CNTNAP2: variants seen among roughly 807,000 people sequenced by gnomAD.
CNTNAP2 encodes contactin-associated protein-like 2.
In CNTNAP2, 98 loss-of-function variants were observed where a neutral mutation model predicts 155.2. The observed-to-expected ratio is 0.63, with a 90% CI of 0.54 to 0.75. CNTNAP2 has a LOEUF of 0.75. Ranked by LOEUF, CNTNAP2 falls within the 30% of genes least tolerant of loss-of-function variation. The pLI, the probability that CNTNAP2 is intolerant of heterozygous loss-of-function variation, is 0.00. For missense variants in CNTNAP2, 1,727 were observed against 1,688.1 expected, an observed-to-expected ratio of 1.02 and a Z score of -0.40; for synonymous variants, 651 against 631.2, an observed-to-expected ratio of 1.03 and a Z score of -0.47.
chr7:147,513,649 T>C (rs182237674), intron 11 of CNTNAP2, among the ~76,000 whole-genome samples: 10 of 152,330 alleles, frequency 6.6e-5, no homozygotes, highest in Admixed American at 5.9e-4. Flanking sequence ...CAAGGCCAAA[T>C]ACAAAATCAT....
intron 1 of CNTNAP2, among the ~76,000 whole-genome samples, chr7:146,713,744 A>G (rs1023897178): frequency 4.6e-5 from 7 of 152,116 alleles, no homozygotes; most frequent in Non-Finnish European, 1.0e-4. Flanking sequence ...CGTTTACTCA[A>G]GAAAGCTTGG....
intron 1 of CNTNAP2, among the ~76,000 whole-genome samples, chr7:146,341,735 C>A (rs10245727): frequency 0.12 from 18,353 of 151,882 alleles, 2,058 homozygotes; most frequent in African/African-American, 0.3. Flanking sequence ...ACAAAAAAAA[C>A]CCCTGAAAAA....
chr7:147,727,014 T>G (rs887967525), intron 13 of CNTNAP2, among the ~76,000 whole-genome samples: 9 of 121,420 alleles, frequency 7.4e-5, no homozygotes, highest in African/African-American at 1.3e-4. Flanking sequence ...TATGCGTATA[T>G]GTATATGTGT....
At chr7:147,574,964 A>G (rs1349346223) in intron 12 of CNTNAP2, among the ~76,000 whole-genome samples, 1 of 152,056 alleles carries the variant, frequency 6.6e-6, no homozygotes, top group African/African-American at 2.4e-5. Context: ...TCATGGTCGA[A>G]AGTTGGGTTG....
At chr7:147,863,034 A>C (rs897675765) in intron 13 of CNTNAP2, among the ~76,000 whole-genome samples, 4 of 151,818 alleles carry the variant, frequency 2.6e-5, no homozygotes, top group African/African-American at 9.7e-5. Flanking sequence ...CCACCCATCA[A>C]CTCGTCATTT....
intron 13 of CNTNAP2, among the ~76,000 whole-genome samples, chr7:147,653,105 AC>A (rs1166247921): frequency 1.3e-5 from 2 of 152,230 alleles, no homozygotes; most frequent in African/African-American, 4.8e-5. Flanking sequence ...AGAGCATTTG[AC>A]TTTCATGTTT....
intron 4 of CNTNAP2, among the ~76,000 whole-genome samples, chr7:147,056,142 C>T (rs76519468): frequency 0.028 from 4,244 of 152,080 alleles, 201 homozygotes; most frequent in African/African-American, 0.092. Flanking sequence ...ATGTAAAATC[C>T]CATATAAAAT....
intron 3 of CNTNAP2, among the ~76,000 whole-genome samples, chr7:146,906,441 G>A (rs976050576): frequency 4.6e-5 from 7 of 152,086 alleles, no homozygotes; most frequent in South Asian, 2.1e-4. Context: ...CTCCCAGCAC[G>A]CAGCTGGAGA....
intron 13 of CNTNAP2, among the ~76,000 whole-genome samples, chr7:147,889,100 A>G (rs1250478994): frequency 1.3e-5 from 2 of 152,124 alleles, no homozygotes; most frequent in Middle Eastern, 3.2e-3. Context: ...TAAGTTAAAT[A>G]TGAAATTTAA....
At chr7:147,612,766 T>C (rs1418170905) in intron 12 of CNTNAP2, among the ~76,000 whole-genome samples, 1 of 152,208 alleles carries the variant, frequency 6.6e-6, no homozygotes, top group African/African-American at 2.4e-5. Flanking sequence ...TTGATATCTG[T>C]GTTCTTAAAC....
At chr7:148,056,271 G>T (rs1386607733) in intron 15 of CNTNAP2, among the ~76,000 whole-genome samples, 1 of 152,122 alleles carries the variant, frequency 6.6e-6, no homozygotes, top group African/African-American at 2.4e-5. Flanking sequence ...TTTCATGCTT[G>T]ATATGGTTGG....
Position 147,494,768 on chromosome 7 carries a change from G to A in CNTNAP2, c.1777+8727G>A, listed in dbSNP as rs1798672402. ...CTTTAATTTGAAGATAAGGAACGGA[G>A]CTTCAGGAAGGTTAATATCTGCTCA... On this transcript the variant is annotated intron_variant, in intron 11 of 23. Coordinates refer to ENST00000361727, the MANE Select transcript of CNTNAP2 (RefSeq NM_014141.6). Among the ~76,000 whole-genome samples the A allele has an allele frequency of 2.0e-5, 3 of 152,046 alleles. No individual in the cohort carries two copies. In the South Asian group the frequency reaches 6.2e-4, roughly 32 times the overall value.
At chr7:146,906,611 C>T (rs1796134219) in intron 3 of CNTNAP2, among the ~76,000 whole-genome samples, 1 of 152,038 alleles carries the variant, frequency 6.6e-6, no homozygotes, top group South Asian at 2.1e-4. Context: ...AGAAGGAAAA[C>T]TAACAAATAG....
In CNTNAP2 at chr7:147,658,044, C is replaced by T. The variant is rs901448112; in HGVS notation, c.2098+18738C>T. Reference sequence around the variant, plus strand: ...GGCCGAGGCGGGCGGATCACGAGGTCAGGAGATCGAGACCATCCCGGCAAA... The same window carrying T: ...GGCCGAGGCGGGCGGATCACGAGGTTAGGAGATCGAGACCATCCCGGCAAA... On this transcript the variant is annotated intron_variant, in intron 13 of 23. Transcript: ENST00000361727. Among the ~76,000 whole-genome samples, 60 of 119,144 alleles carry T rather than the reference C, an allele frequency of 5.0e-4. 5 individuals are homozygous for T. Among genetic ancestry groups the T allele is most frequent in the African/African-American group, 1.7e-3 (60 of 35,830 alleles). 78.2% of individuals were successfully genotyped at this position (119,144 alleles called of 152,430 possible). A position where few individuals can be genotyped will look rare whatever the true frequency, so the allele number is the denominator to read the frequency against.
chr7:146,367,067 A>C (rs953920704), intron 1 of CNTNAP2, among the ~76,000 whole-genome samples: 1 of 152,172 alleles, frequency 6.6e-6, no homozygotes, highest in African/African-American at 2.4e-5. Context: ...TATGAGAACC[A>C]ATGAACAAAC....
intron 13 of CNTNAP2, among the ~76,000 whole-genome samples, chr7:147,701,144 A>G (rs557422617): frequency 1.3e-5 from 2 of 152,314 alleles, no homozygotes; most frequent in East Asian, 3.9e-4. Context: ...AGGTCTTTCA[A>G]TATGTCAGGC....
chr7:147,612,732 T>C (rs1801211534), intron 12 of CNTNAP2, among the ~76,000 whole-genome samples: 1 of 152,124 alleles, frequency 6.6e-6, no homozygotes, highest in Non-Finnish European at 1.5e-5. Flanking sequence ...TCTACTCTCC[T>C]TTCTCAACTC....
chr7:147,825,713 A>G (rs1300298547), intron 13 of CNTNAP2, among the ~76,000 whole-genome samples: 1 of 152,196 alleles, frequency 6.6e-6, no homozygotes, highest in Non-Finnish European at 1.5e-5. Flanking sequence ...TGTGCAAATC[A>G]AGAGAAGAAA....
chr7:147,361,869 A>G (rs980061828), intron 9 of CNTNAP2, among the ~76,000 whole-genome samples: 1 of 152,174 alleles, frequency 6.6e-6, no homozygotes, highest in African/African-American at 2.4e-5. Context: ...CAGAATATTG[A>G]GGATGGCTCT....
Sources: allele counts gnomAD v4.1 joint callset (sites outside exome capture counted in the v4.1 genomes callset), GRCh38; gene constraint gnomAD v4.1.1; transcripts MANE v1.5; gene names NCBI Gene and HGNC (gene_info 2026-07-23, HGNC 2026-07-21).